Variants in PSMC6 observed in about 807,000 individuals in gnomAD.
PSMC6 encodes proteasome 26S subunit, ATPase 6.
Under a neutral mutation model 55.9 loss-of-function variants are expected in PSMC6, and 3 were observed. The observed-to-expected ratio is 0.05, with a 90% CI of 0.02 to 0.14. PSMC6 has a LOEUF of 0.14. PSMC6 is among the 10% of genes least tolerant of loss of function. The pLI, the probability that PSMC6 is intolerant of heterozygous loss-of-function variation, is 1.00. For missense variants in PSMC6, 210 were observed against 478.7 expected (o/e 0.44, Z 5.24); for synonymous variants, 137 against 155.9 (o/e 0.88, Z 0.90).
chr14:52,708,635 T>A, intron 3 of PSMC6, 113 bp downstream of exon 3: 1 of 1,524,824 alleles, frequency 6.6e-7, no homozygotes, highest in Non-Finnish European at 8.9e-7. Flanking sequence ...TATTTTTGAA[T>A]AGACTTAAGT....
At position 52,711,413 on chromosome 14, in the gene PSMC6, T is replaced by C; in HGVS notation, c.330T>C (p.Tyr110=). ...AATACATACCTTTTCATTCTAGATA[T>C]TTGCCGAGAGAGGTGGATCCACTGG... ...LDMTTLTIMR[Y]LPREVDPLVY... Residue 110 remains tyrosine, a synonymous_variant, in exon 6 of 14, where the codon TAT becomes TAC. Transcript: ENST00000445930. 6.3e-7 allele frequency: 1 copy of C among 1,596,992 alleles called. No individual in the cohort carries two copies. The highest frequency in any genetic ancestry group is 2.2e-5 in the East Asian group (1 of 44,762).
intron 6 of PSMC6, among the ~76,000 whole-genome samples, chr14:52,712,983 G>C (rs143406075): frequency 0.032 from 4,865 of 152,142 alleles, 111 homozygotes; most frequent in Middle Eastern, 0.078. Flanking sequence ...TGTAATCCCA[G>C]CACTCTGGGA....
chr14:52,723,893 A>G lies in PSMC6; in HGVS notation c.980-72A>G, dbSNP rs1414083559. On this transcript the variant is annotated intron_variant, in intron 12 of 13. Transcript: ENST00000445930. ...ACTCAAAGTAAGCTCTTCAGTTTAA[A>G]TTTTCGATGTGGGCATAAATCAAGT... 9.5e-6 allele frequency: 15 copies of G among 1,580,030 alleles called. No homozygotes were observed. In the East Asian group the frequency reaches 3.2e-4, roughly 33 times the overall value.
Position 52,713,955 on chromosome 14 carries a change from A to C in PSMC6, c.516A>C (p.Leu172Phe), listed in dbSNP as rs77074605. 2 of 1,578,622 alleles carry C rather than the reference A, an allele frequency of 1.3e-6. No individual in the cohort carries two copies. The highest frequency in any genetic ancestry group is 1.7e-6 in the Non-Finnish European group (2 of 1,151,884). ...VGIIPPKGCLLYGPPGTGKTL... is the reference protein window; with the variant it reads ...VGIIPPKGCLFYGPPGTGKTL... The stretch of plus-strand genomic sequence containing the variant: ...TAATACCTCCAAAAGGCTGTTTGTT[A>C]TATGGACCACCAGGTTGGTATTGAA... The change falls in exon 7 of 14, where the codon TTA (leucine) becomes TTC (phenylalanine). Residue 172 changes from leucine (L) to phenylalanine (F), a missense_variant. This residue lies in a region of PSMC6 where 101 missense variants were observed against 250.4 expected (regional missense o/e 0.40). Coordinates refer to ENST00000445930, the MANE Select transcript of PSMC6 (RefSeq NM_002806.5).
At chr14:52,711,645 T>C (rs2041773732) in intron 6 of PSMC6, 121 bp downstream of exon 6, 1 of 503,900 alleles carries the variant, frequency 2.0e-6, no homozygotes, top group East Asian at 3.5e-5. Context: ...AAGAATATTA[T>C]GTATTTACTA....
rs758019975 is a variant in PSMC6, at chr14:52,711,201, A to C, written c.326+33A>C. 5 of 1,573,940 alleles carry C rather than the reference A, an allele frequency of 3.2e-6. No homozygotes were observed. In the Admixed American group the frequency reaches 8.5e-5, roughly 27 times the overall value. ...TCTTATTCTATTTAGTTCACCTTTT[A>C]TTTTCACAAAGGGTGGTTTTTATCT... On this transcript the variant is annotated intron_variant, in intron 5 of 13. Coordinates refer to ENST00000445930, the MANE Select transcript of PSMC6 (RefSeq NM_002806.5).
chr14:52,709,610 T>A lies in PSMC6; in HGVS notation c.258+794T>A, dbSNP rs572847768. 3.2e-4 allele frequency: 146 copies of A among 456,038 alleles called. 1 individual carries two copies. Among genetic ancestry groups the A allele is most frequent in the African/African-American group, 2.7e-3 (134 of 50,116 alleles). The allele number at this position is 456,038 out of a possible 1,614,324, so 28.2% of individuals were successfully genotyped here. On this transcript the variant is annotated intron_variant, in intron 4 of 13. Coordinates refer to ENST00000445930, the MANE Select transcript of PSMC6 (RefSeq NM_002806.5). ...ATGCCGAAAGTTGGCATTTCTAAGA[T>A]ATTTCAGGTTGCATGAGGACAAGAC...
rs999793856 is a variant in PSMC6 at position 52,707,247 on chromosome 14, C to G, written c.28C>G (p.Gln10Glu). 9 of 1,613,812 alleles carry G rather than the reference C, an allele frequency of 5.6e-6. No homozygotes were observed. The highest frequency in any genetic ancestry group is 1.3e-5 in the African/African-American group (1 of 74,896). ...GGCGGACCCTAGAGATAAGGCGCTT[C>G]AGGACTACCGCAAGAAGTTGCTTGA... MADPRDKAL[Q>E]DYRKKLLEHK... is the part of the protein sequence containing the mutation. Residue 10 changes from glutamine to glutamate, a missense_variant, in exon 1 of 14, where the codon CAG becomes GAG. Physicochemically the swap from Gln to Glu is conservative, Grantham distance 29. Coordinates refer to ENST00000445930, the MANE Select transcript of PSMC6 (RefSeq NM_002806.5).
Position 52,721,129 on chromosome 14 carries a change from A to T in PSMC6, c.918A>T (p.Glu306Asp). 1 of 1,598,040 alleles carries T rather than the reference A, an allele frequency of 6.3e-7. No homozygotes were observed. Among genetic ancestry groups the T allele is most frequent in the Non-Finnish European group, 8.5e-7 (1 of 1,175,154 alleles). ...DRKIHIDLPN[E>D]QARLDILKIH... Reference sequence around the variant, plus strand: ...TTTCAGATATTGATTTGCCAAATGAACAAGCAAGATTAGACATACTGAAAA... The same window carrying T: ...TTTCAGATATTGATTTGCCAAATGATCAAGCAAGATTAGACATACTGAAAA... Residue 306 changes from glutamate to aspartate, a missense_variant, in exon 12 of 14, where the codon GAA (glutamate) becomes GAT (aspartate). Physicochemically the swap from Glu to Asp is conservative, Grantham distance 45. This residue lies in a region of PSMC6 where 79 missense variants were observed against 158.7 expected (regional missense o/e 0.50). Transcript: ENST00000445930.
At chr14:52,711,383 A>G in intron 5 of PSMC6, 27 bp from the exon 6 acceptor site, 1 of 1,549,636 alleles carries the variant, frequency 6.5e-7, no homozygotes, top group Non-Finnish European at 8.9e-7. Flanking sequence ...ATCTTTCAAA[A>G]GAAAAATACA....
At chr14:52,714,858 T>G (rs982531090) in intron 7 of PSMC6, among the ~76,000 whole-genome samples, 3 of 104,170 alleles carry the variant, frequency 2.9e-5, no homozygotes, top group Admixed American at 1.4e-4. Context: ...AGAGTGAGAC[T>G]CCTTCTCAAA....
intron 12 of PSMC6, chr14:52,722,667 A>T (rs1423247047): frequency 6.6e-6 from 1 of 152,200 alleles, no homozygotes; most frequent in Admixed American, 6.5e-5. Context: ...GTATAAAGTC[A>T]TTATCTATGG....
chr14:52,728,161 TG>T lies in PSMC6; in HGVS notation c.*547del, dbSNP rs1324288549. ...TCTTCTTAAATAAAACATGGATGTGTGGGTATGTCTGTACTCCTCCTTTCAG... is the reference window on the plus strand; with the variant it reads ...TCTTCTTAAATAAAACATGGATGTGTGGTATGTCTGTACTCCTCCTTTCAG... On this transcript the variant is annotated 3_prime_UTR_variant, in exon 14 of 14. Transcript: ENST00000445930. 1.3e-5 allele frequency: 2 copies of T among 152,938 alleles called. No individual in the cohort carries two copies. The highest frequency in any genetic ancestry group is 4.8e-5 in the African/African-American group (2 of 41,460). The allele number at this position is 152,938 out of a possible 1,614,324, so 9.5% of individuals were successfully genotyped here.
intron 4 of PSMC6, 108 bp from the exon 5 acceptor site, chr14:52,710,993 C>A: frequency 2.0e-5 from 17 of 871,122 alleles, no homozygotes; most frequent in Non-Finnish European, 2.7e-5. Flanking sequence ...TATTTGTGTT[C>A]TCTCTGGAGG....
intron 13 of PSMC6, among the ~76,000 whole-genome samples, 158 bp from the exon 14 acceptor site, chr14:52,727,341 T>C (rs1880465206): frequency 1.3e-5 from 2 of 152,128 alleles, no homozygotes; most frequent in African/African-American, 4.8e-5. Flanking sequence ...TGGATTTTAA[T>C]TGAAAAAAGA....
At chr14:52,724,620 C>T (rs1287744487) in intron 13 of PSMC6, among the ~76,000 whole-genome samples, 1 of 152,098 alleles carries the variant, frequency 6.6e-6, no homozygotes, top group Non-Finnish European at 1.5e-5. Flanking sequence ...GTGATCATGC[C>T]ATTTGTGTAA....
chr14:52,723,792 G>A, intron 12 of PSMC6, 173 bp from the exon 13 acceptor site: 1 of 1,386,350 alleles, frequency 7.2e-7, no homozygotes, highest in East Asian at 2.6e-5. Flanking sequence ...CTTGGTGCTG[G>A]TTTATTTAAC....
intron 12 of PSMC6, chr14:52,722,482 A>G (rs532769335): frequency 2.9e-4 from 43 of 150,802 alleles, no homozygotes; most frequent in African/African-American, 9.5e-4. Flanking sequence ...GTGTACTTTT[A>G]TGAGACTGGA....
At chr14:52,720,740 C>A in intron 10 of PSMC6, 121 bp from the exon 11 acceptor site, 1 of 748,706 alleles carries the variant, frequency 1.3e-6, no homozygotes, top group African/African-American at 1.8e-5. Context: ...AATGACCATT[C>A]TGAAGATAGA....
Sources: gnomAD v4.1 joint callset for allele counts (sites outside exome capture counted in the v4.1 genomes callset) on GRCh38, gnomAD v4.1.1 for gene constraint, gnomAD v4.1.1 regional missense constraint, MANE v1.5 for transcripts, NCBI Gene and HGNC (gene_info 2026-07-23, HGNC 2026-07-21) for gene names.